The following WWTR1 variants were observed in gnomAD, a reference collection of about 807,000 sequenced individuals.
WWTR1 encodes the protein WW domain-containing transcription regulator protein 1.
Under a neutral mutation model 40.1 loss-of-function variants are expected in WWTR1, and 13 were observed. That is an observed-to-expected ratio of 0.32 (90% CI 0.21 to 0.52). The LOEUF (loss-of-function observed/expected upper bound fraction) is 0.52. WWTR1 is among the 20% of genes least tolerant of loss of function. The pLI is 0.97. For synonymous variants in WWTR1, 230 were observed against 210.1 expected (o/e 1.09, Z -0.82); for missense variants, 436 against 523.1 (o/e 0.83, Z 1.63).
intron 1 of WWTR1, chr3:149,670,669 G>GAA (rs1396331667): frequency 1.4e-5 from 2 of 146,950 alleles, no homozygotes; most frequent in Admixed American, 7.0e-5. Context: ...GAAAAGAAAA[G>GAA]AAAAGAAAAT....
intron 1 of WWTR1, among the ~76,000 whole-genome samples, chr3:149,691,462 G>A (rs1214672555): frequency 6.6e-5 from 10 of 151,170 alleles, no homozygotes; most frequent in Admixed American, 3.3e-4. Flanking sequence ...TAAAATCAGA[G>A]ATGAAAAAGG....
intron 1 of WWTR1, among the ~76,000 whole-genome samples, chr3:149,680,072 C>T (rs1256877432): frequency 6.6e-6 from 1 of 152,168 alleles, no homozygotes; most frequent in Non-Finnish European, 1.5e-5. Context: ...ATAACCTCCT[C>T]ATAGATAAGG....
At chr3:149,602,183 C>T (rs536303301) in intron 2 of WWTR1, among the ~76,000 whole-genome samples, 1 of 152,166 alleles carries the variant, frequency 6.6e-6, no homozygotes, top group South Asian at 2.1e-4. Context: ...AATGTATCTA[C>T]GTAGGGCTAA....
At position 149,657,286 on chromosome 3, in the gene WWTR1, G is replaced by C; in HGVS notation, c.21C>G (p.Pro7=). ...GCTGCCCAGGCGGCGGGAGCGGAGG[G>C]GGCGCCGAGGCCGGATTCATCTTCT... The part of the protein sequence containing the change: MNPASA[P]PPLPPPGQQV... The change falls in exon 2 of 7, where the codon CCC becomes CCG. Residue 7 remains proline (P), a synonymous_variant. Transcript: ENST00000360632. 1 of 1,612,190 alleles carries C rather than the reference G, an allele frequency of 6.2e-7. No individual in the cohort carries two copies.
At chr3:149,556,207 A>T (rs1736819673) in intron 3 of WWTR1, among the ~76,000 whole-genome samples, 1 of 152,228 alleles carries the variant, frequency 6.6e-6, no homozygotes, top group South Asian at 2.1e-4. Context: ...AAACTGCCAG[A>T]TTATTTCACA....
At chr3:149,723,570 C>G (rs1486002100) in intron 4 of WWTR1, among the ~76,000 whole-genome samples, 1 of 151,862 alleles carries the variant, frequency 6.6e-6, no homozygotes, top group Non-Finnish European at 1.5e-5. Flanking sequence ...AAGTTAAGAT[C>G]CTTTCATATA....
chr3:149,537,675 C>G (rs925005437), intron 4 of WWTR1, among the ~76,000 whole-genome samples: 17 of 152,148 alleles, frequency 1.1e-4, no homozygotes, highest in Non-Finnish European at 2.2e-4. Context: ...GCCACCACAA[C>G]CAAGACACGG....
At chr3:149,697,969 G>A (rs1413689261) in intron 1 of WWTR1, among the ~76,000 whole-genome samples, 1 of 152,308 alleles carries the variant, frequency 6.6e-6, no homozygotes, top group East Asian at 1.9e-4. Context: ...TTGATTCCAA[G>A]TCCTGCATCC....
chr3:149,577,180 C>T (rs1164043005), intron 2 of WWTR1, among the ~76,000 whole-genome samples: 1 of 152,026 alleles, frequency 6.6e-6, no homozygotes, highest in Non-Finnish European at 1.5e-5. Flanking sequence ...AACAAACAAA[C>T]AAAAAGAGTT....
intron 5 of WWTR1, among the ~76,000 whole-genome samples, chr3:149,715,422 C>T (rs1459437267): frequency 1.3e-5 from 2 of 152,222 alleles, no homozygotes; most frequent in South Asian, 2.1e-4. Flanking sequence ...CCTCACAGAG[C>T]GCTGGCACCC....
intron 2 of WWTR1, among the ~76,000 whole-genome samples, chr3:149,608,766 G>A (rs150690725): frequency 4.0e-4 from 60 of 151,666 alleles, no homozygotes; most frequent in African/African-American, 1.2e-3. Flanking sequence ...GGTCTAAAAC[G>A]TTAAGATCAG....
intron 3 of WWTR1, among the ~76,000 whole-genome samples, chr3:149,559,649 C>G (rs1737001721): frequency 6.6e-6 from 1 of 152,206 alleles, no homozygotes; most frequent in Non-Finnish European, 1.5e-5. Context: ...ACAGAATTCT[C>G]AGTCCGGCAG....
intron 2 of WWTR1, among the ~76,000 whole-genome samples, chr3:149,639,989 G>C (rs527443913): frequency 2.5e-5 from 2 of 80,450 alleles, no homozygotes; most frequent in Non-Finnish European, 4.6e-5. Context: ...GCGAGACTCC[G>C]TCTCAAAAAA....
rs1242476508 is a variant in WWTR1 at position 149,636,559 on chromosome 3, G to T, written c.431+20317C>A. Among the ~76,000 whole-genome samples, 15 of 152,056 alleles carry T rather than the reference G, an allele frequency of 9.9e-5. 1 individual carries two copies. On this transcript the variant is annotated intron_variant, in intron 2 of 6. Transcript: ENST00000360632. The stretch of plus-strand genomic sequence containing the variant: ...AGTCGGGCTAAGAATTAAATACAAA[G>T]AATAGAATATATTCTAAAGTAAAAT...
chr3:149,655,512 C>T (rs764052945), intron 2 of WWTR1, among the ~76,000 whole-genome samples: 54 of 152,220 alleles, frequency 3.5e-4, no homozygotes, highest in Non-Finnish European at 7.3e-5. Context: ...CTTGACTCCA[C>T]CAGCTACTTA....
At chr3:149,639,941 C>G (rs1424334371) in intron 2 of WWTR1, among the ~76,000 whole-genome samples, 1 of 147,762 alleles carries the variant, frequency 6.8e-6, no homozygotes, top group Non-Finnish European at 1.5e-5. Flanking sequence ...TTGCAGTGAG[C>G]CGAGATTGTG....
intron 1 of WWTR1, among the ~76,000 whole-genome samples, chr3:149,674,814 G>GC (rs138205236): frequency 0.24 from 30,368 of 124,358 alleles, 3,298 homozygotes; most frequent in Admixed American, 0.36. Flanking sequence ...CTTGGTGCTA[G>GC]TTTTGACATT....
At chr3:149,703,196 G>T (rs1715248347) in exon 1 of WWTR1, 1 of 152,342 alleles carries the variant, frequency 6.6e-6, no homozygotes, top group Non-Finnish European at 1.5e-5. Flanking sequence ...TCTCTTGAGA[G>T]TCGCCAGGAT....
chr3:149,661,039 G>A (rs1228500915), upstream of WWTR1: 1 of 152,196 alleles, frequency 6.6e-6, no homozygotes, highest in Non-Finnish European at 1.5e-5. Context: ...GTGAAGTTGT[G>A]CCACTTCCCT....
Sources: gnomAD v4.1 joint callset for allele counts (sites outside exome capture counted in the v4.1 genomes callset) on GRCh38, gnomAD v4.1.1 for gene constraint, MANE v1.5 for transcripts, NCBI Gene and HGNC (gene_info 2026-07-23, HGNC 2026-07-21) for gene names.